The following XPO4 variants were observed in gnomAD, a reference collection of about 807,000 sequenced individuals.
XPO4 encodes exportin 4.
In XPO4, 39 loss-of-function variants were observed where a neutral mutation model predicts 143.0. That is an observed-to-expected ratio of 0.27 (90% CI 0.21 to 0.36). The LOEUF (loss-of-function observed/expected upper bound fraction) is 0.36, where lower values mean the gene tolerates loss of function less well. Among genes scored for constraint, XPO4 ranks in the 10% least tolerant of loss-of-function variants. The probability of loss-of-function intolerance (pLI) is 1.00; values close to 1 mark genes in which losing one functional copy is unlikely to be tolerated. For synonymous variants in XPO4, 439 were observed against 474.0 expected, an observed-to-expected ratio of 0.93 and a Z score of 0.96; for missense variants, 907 against 1,348.0, an observed-to-expected ratio of 0.67 and a Z score of 5.12.
chr13:20,840,361 C>T (rs569994013), intron 6 of XPO4, among the ~76,000 whole-genome samples: 3 of 152,036 alleles, frequency 2.0e-5, no homozygotes, highest in Non-Finnish European at 4.4e-5. Context: ...GCACACACCA[C>T]ACACCTAGCT....
At chr13:20,807,353 A>AT in intron 13 of XPO4, 104 bp downstream of exon 13, 1 of 1,155,740 alleles carries the variant, frequency 8.7e-7, no homozygotes, top group Middle Eastern at 2.9e-4. Flanking sequence ...TTTTTCATGT[A>AT]TCAGATTTAC....
chr13:20,838,126 C>T (rs1309369467), intron 6 of XPO4, among the ~76,000 whole-genome samples: 1 of 152,104 alleles, frequency 6.6e-6, no homozygotes, highest in African/African-American at 2.4e-5. Flanking sequence ...AAATCTTGAC[C>T]TAAGAACACT....
chr13:20,868,135 T>C (rs577522162), intron 2 of XPO4, among the ~76,000 whole-genome samples: 1 of 151,678 alleles, frequency 6.6e-6, no homozygotes, highest in African/African-American at 2.4e-5. Context: ...ATGACTGATA[T>C]TCATTAAGCA....
chr13:20,832,510 T>C (rs1267778514), intron 6 of XPO4, among the ~76,000 whole-genome samples: 1 of 152,212 alleles, frequency 6.6e-6, no homozygotes, highest in Admixed American at 6.5e-5. Flanking sequence ...TATAGAAAGA[T>C]CTTGTAGCAA....
chr13:20,892,935 G>A (rs1263641832), intron 1 of XPO4, among the ~76,000 whole-genome samples: 1 of 151,906 alleles, frequency 6.6e-6, no homozygotes, highest in Non-Finnish European at 1.5e-5. Context: ...AAGGACAGGT[G>A]AATCTCACCT....
chr13:20,800,958 A>G lies in XPO4; in HGVS notation c.1850T>C (p.Val617Ala). Reference sequence around the variant, plus strand: ...ATCTGCTCTTATTGCTCGAGATTCAACTTCTGAAACTCTGAGAATGGCAGA... The same window carrying G: ...ATCTGCTCTTATTGCTCGAGATTCAGCTTCTGAAACTCTGAGAATGGCAGA... ...LLSAILRVSE[V>A]ESRAIRADLT... The change falls in exon 14 of 23, where the codon GTT (valine) becomes GCT (alanine). Residue 617 changes from valine to alanine, a missense_variant. Coordinates refer to ENST00000255305, the MANE Select transcript of XPO4 (RefSeq NM_022459.5). 6.2e-7 allele frequency: 1 copy of G among 1,613,916 alleles called. No homozygotes were observed. The highest frequency in any genetic ancestry group is 8.5e-7 in the Non-Finnish European group (1 of 1,179,956).
chr13:20,794,720 G>T (rs1317005234), intron 18 of XPO4, among the ~76,000 whole-genome samples: 1 of 152,136 alleles, frequency 6.6e-6, no homozygotes, highest in Non-Finnish European at 1.5e-5. Context: ...GACAGAGGGA[G>T]ACCCTGCCTC....
intron 1 of XPO4, among the ~76,000 whole-genome samples, chr13:20,873,665 C>G (rs890296419): frequency 6.6e-6 from 1 of 152,148 alleles, no homozygotes; most frequent in Non-Finnish European, 1.5e-5. Flanking sequence ...CAGAGTCACT[C>G]TGTTACCCAG....
chr13:20,811,623 C>T (rs574989444), intron 9 of XPO4, among the ~76,000 whole-genome samples: 1 of 152,172 alleles, frequency 6.6e-6, no homozygotes, highest in East Asian at 1.9e-4. Context: ...AGACTGCTTA[C>T]ACTGCAAAGT....
At chr13:20,805,274 A>T (rs2059489035) in intron 13 of XPO4, among the ~76,000 whole-genome samples, 1 of 152,166 alleles carries the variant, frequency 6.6e-6, no homozygotes, top group South Asian at 2.1e-4. Flanking sequence ...GCAGCAGAGT[A>T]AACTTCTTAA....
intron 9 of XPO4, 146 bp from the exon 10 acceptor site, chr13:20,810,113 ATCTT>A (rs763540599): frequency 3.6e-5 from 20 of 560,958 alleles, no homozygotes; most frequent in Non-Finnish European, 4.5e-5. Flanking sequence ...ACTTTCTAAA[ATCTT>A]TCTAAGTTCA....
intron 1 of XPO4, chr13:20,902,468 G>A: frequency 2.0e-6 from 2 of 985,454 alleles, no homozygotes; most frequent in Non-Finnish European, 2.4e-6. Flanking sequence ...AGGGGAAGGG[G>A]ACAGCTCCTG....
At chr13:20,833,408 C>A (rs73167450) in intron 6 of XPO4, among the ~76,000 whole-genome samples, 13,710 of 152,168 alleles carry the variant, frequency 0.09, 810 homozygotes, top group Non-Finnish European at 0.13. Flanking sequence ...AATCCAGAGT[C>A]TCTGATATAA....
At chr13:20,881,201 G>A (rs2060405855) in intron 1 of XPO4, among the ~76,000 whole-genome samples, 1 of 152,114 alleles carries the variant, frequency 6.6e-6, no homozygotes, top group Admixed American at 6.5e-5. Context: ...GAAAAGTTCT[G>A]GAGATAGTGA....
chr13:20,849,170 C>G (rs1421901606), intron 4 of XPO4: 1 of 985,318 alleles, frequency 1.0e-6, no homozygotes, highest in African/African-American at 1.7e-5. Context: ...TGGCTCTTAC[C>G]CCAGGAGCTT....
Position 20,783,706 on chromosome 13 carries a change from C to T in XPO4, c.*16G>A. 6.2e-7 allele frequency: 1 copy of T among 1,613,004 alleles called. No individual in the cohort carries two copies. Among genetic ancestry groups the T allele is most frequent in the South Asian group, 1.1e-5 (1 of 91,064 alleles). ...CTTTGCAGAAAGGATCTAAATTAAG[C>T]ATAAAGTTCTGTTGTTTATTTTACA... On this transcript the variant is annotated 3_prime_UTR_variant, in exon 23 of 23. Coordinates refer to ENST00000255305, the MANE Select transcript of XPO4 (RefSeq NM_022459.5).
intron 6 of XPO4, among the ~76,000 whole-genome samples, chr13:20,836,214 T>A (rs1457439751): frequency 4.6e-5 from 7 of 152,200 alleles, no homozygotes; most frequent in Non-Finnish European, 7.3e-5. Flanking sequence ...AATTACTACC[T>A]GATCACTGAG....
At position 20,902,717 on chromosome 13, in the gene XPO4, G is replaced by A. The variant is rs773514825; in HGVS notation, c.22C>T (p.Pro8Ser). Reference sequence around the variant, plus strand: ...TCCAGCTGAGCGATCACTTCTGGGGGCCCCAGCGCCGCCGCCATCATGGTC... The same window carrying A: ...TCCAGCTGAGCGATCACTTCTGGGGACCCCAGCGCCGCCGCCATCATGGTC... Reference protein sequence around the residue: MMAAALGPPEVIAQLENA... With the variant: MMAAALGSPEVIAQLENA... The change falls in exon 1 of 23, where the codon CCC becomes TCC. Residue 8 changes from proline (P) to serine (S), a missense_variant. By Grantham distance (74) the Pro-to-Ser change is moderately conservative. Coordinates refer to ENST00000255305, the MANE Select transcript of XPO4 (RefSeq NM_022459.5). 2.8e-5 allele frequency: 44 copies of A among 1,558,426 alleles called. No individual in the cohort carries two copies. In the Middle Eastern group the frequency reaches 8.5e-4, roughly 30 times the overall value.
chr13:20,849,733 T>C (rs2138081872), intron 4 of XPO4: 1 of 985,044 alleles, frequency 1.0e-6, no homozygotes, highest in Non-Finnish European at 1.2e-6. Flanking sequence ...AAACTATCTG[T>C]AGAGAACCAA....
Sources: gnomAD v4.1 joint callset for allele counts (sites outside exome capture counted in the v4.1 genomes callset) on GRCh38, gnomAD v4.1.1 for gene constraint, MANE v1.5 for transcripts, NCBI Gene and HGNC (gene_info 2026-07-23, HGNC 2026-07-21) for gene names.